The following FGFR1OP2 variants were observed in gnomAD, a reference collection of about 807,000 sequenced individuals.
The protein encoded by FGFR1OP2 is FGFR1 oncogene partner 2, also known as fibroblast growth factor receptor 1 oncogene partner 2.
FGFR1OP2 carries 17 observed loss-of-function variants against 35.2 expected under a neutral mutation model. That is an observed-to-expected ratio of 0.48 (90% CI 0.33 to 0.73). FGFR1OP2 has a LOEUF of 0.73. Ranked by LOEUF, FGFR1OP2 falls within the 30% of genes least tolerant of loss-of-function variation. The pLI is 0.02. For synonymous variants in FGFR1OP2, 105 were observed against 104.6 expected (o/e 1.00, Z -0.03); for missense variants, 251 against 307.3 (o/e 0.82, Z 1.37).
At chr12:26,952,031 T>C (rs1938936902) in intron 1 of FGFR1OP2, among the ~76,000 whole-genome samples, 1 of 151,862 alleles carries the variant, frequency 6.6e-6, no homozygotes, top group South Asian at 2.1e-4. Context: ...TTATTTTTAC[T>C]ATAAAACCAA....
chr12:26,944,184 C>A (rs573296123), intron 1 of FGFR1OP2, among the ~76,000 whole-genome samples: 1 of 152,010 alleles, frequency 6.6e-6, no homozygotes, highest in Admixed American at 6.5e-5. Flanking sequence ...TTTTTGGATT[C>A]TTTGGGGTTT....
intron 1 of FGFR1OP2, among the ~76,000 whole-genome samples, chr12:26,950,327 A>G (rs1020990708): frequency 7.1e-6 from 1 of 140,404 alleles, no homozygotes; most frequent in Admixed American, 8.0e-5. Context: ...GGTTCACGCT[A>G]TTCTCCTGCC....
chr12:26,947,311 G>C (rs755859842), intron 1 of FGFR1OP2, among the ~76,000 whole-genome samples: 2 of 152,018 alleles, frequency 1.3e-5, no homozygotes, highest in Non-Finnish European at 2.9e-5. Context: ...GTTTTGAATT[G>C]CATTTCAGTG....
Position 26,964,928 on chromosome 12 carries a change from T to A in FGFR1OP2, c.*195T>A. 2.0e-6 allele frequency: 1 copy of A among 499,224 alleles called. No homozygotes were observed. The allele number at this position is 499,224 out of a possible 1,614,324, so 30.9% of individuals were successfully genotyped here. A position where few individuals can be genotyped will look rare whatever the true frequency, so the allele number is the denominator to read the frequency against. ...CAAAACATAATTGGAAAATAGAAAC[T>A]GAGCCATTGCCAAATGGTAAAGAAA... On this transcript the variant is annotated 3_prime_UTR_variant, in exon 7 of 7. Transcript: ENST00000229395.
intron 3 of FGFR1OP2, 70 bp from the exon 4 acceptor site, chr12:26,957,531 C>A: frequency 7.3e-7 from 1 of 1,366,496 alleles, no homozygotes. Context: ...TCATAAGTTG[C>A]TTAGTGGAAG....
intron 1 of FGFR1OP2, among the ~76,000 whole-genome samples, chr12:26,950,728 T>C (rs1163907297): frequency 6.6e-6 from 1 of 152,216 alleles, no homozygotes; most frequent in Non-Finnish European, 1.5e-5. Context: ...GTGACTGATG[T>C]ACCTGTTGCA....
intron 4 of FGFR1OP2, among the ~76,000 whole-genome samples, chr12:26,959,664 A>T (rs938482940): frequency 6.6e-6 from 1 of 152,170 alleles, no homozygotes; most frequent in Non-Finnish European, 1.5e-5. Flanking sequence ...CTTTTTTATT[A>T]TGTAGATTGA....
At chr12:26,950,226 T>TTTTTTG in intron 1 of FGFR1OP2, among the ~76,000 whole-genome samples, 1 of 114,302 alleles carries the variant, frequency 8.7e-6, no homozygotes, top group Non-Finnish European at 1.8e-5. Flanking sequence ...TTTTTTTTTT[T>TTTTTTG]TTTTTTTTTT....
intron 2 of FGFR1OP2, among the ~76,000 whole-genome samples, chr12:26,955,447 A>T (rs899581348): frequency 2.6e-5 from 4 of 152,200 alleles, no homozygotes; most frequent in African/African-American, 9.6e-5. Context: ...CATTTTCATC[A>T]CCACAAAACC....
intron 4 of FGFR1OP2, chr12:26,958,084 G>A (rs1592252934): frequency 5.9e-6 from 1 of 168,950 alleles, no homozygotes; most frequent in South Asian, 1.4e-4. Flanking sequence ...TAAAGGGCTG[G>A]GCATGGTGGC....
chr12:26,951,519 C>T (rs1443526579), intron 1 of FGFR1OP2, among the ~76,000 whole-genome samples: 1 of 152,052 alleles, frequency 6.6e-6, no homozygotes, highest in Non-Finnish European at 1.5e-5. Context: ...GGTGTTTCAC[C>T]ATGTTGGGCA....
chr12:26,955,606 CAT>C (rs756878070), intron 2 of FGFR1OP2, among the ~76,000 whole-genome samples: 1 of 152,158 alleles, frequency 6.6e-6, no homozygotes, highest in African/African-American at 2.4e-5. Context: ...GGCTTCTTAA[CAT>C]AATGTTTTTA....
intron 1 of FGFR1OP2, among the ~76,000 whole-genome samples, chr12:26,938,933 A>G (rs1938643576): frequency 6.6e-6 from 1 of 152,072 alleles, no homozygotes; most frequent in Non-Finnish European, 1.5e-5. Context: ...CGGAAAGTTC[A>G]ATGAAAAGCC....
At chr12:26,943,501 A>C (rs1938769980) in intron 1 of FGFR1OP2, among the ~76,000 whole-genome samples, 1 of 152,072 alleles carries the variant, frequency 6.6e-6, no homozygotes, top group African/African-American at 2.4e-5. Context: ...TTGACTGGAA[A>C]TTGCACTGTT....
At chr12:26,955,896 ATT>A (rs1939010394) in intron 2 of FGFR1OP2, among the ~76,000 whole-genome samples, 1 of 152,148 alleles carries the variant, frequency 6.6e-6, no homozygotes, top group Admixed American at 6.5e-5. Flanking sequence ...GATCTGCCAC[ATT>A]GTTTCCCAAA....
At chr12:26,958,022 G>T in intron 4 of FGFR1OP2, 1 of 249,010 alleles carries the variant, frequency 4.0e-6, no homozygotes, top group Non-Finnish European at 7.8e-6. Flanking sequence ...AGGTAAGTCT[G>T]GTCTCTTCAA....
chr12:26,942,472 G>A (rs376197963), intron 1 of FGFR1OP2, among the ~76,000 whole-genome samples: 49 of 152,280 alleles, frequency 3.2e-4, no homozygotes, highest in African/African-American at 9.1e-4. Flanking sequence ...AAATTATTAC[G>A]TAACAGTTTG....
At chr12:26,945,272 T>C (rs1223166452) in intron 1 of FGFR1OP2, among the ~76,000 whole-genome samples, 1 of 152,164 alleles carries the variant, frequency 6.6e-6, no homozygotes, top group Non-Finnish European at 1.5e-5. Flanking sequence ...TTTGCTCTTC[T>C]TCTCCAGGTT....
chr12:26,954,224 T>C lies in FGFR1OP2; in HGVS notation c.66T>C (p.His22=), dbSNP rs1938983755. ...AKALVERLRD[H]DDAAESLIEQ... is the part of the protein sequence containing the mutation. ...CTCTTGTTGAAAGATTAAGAGATCA[T>C]GACGATGCAGCAGAATCTCTGATTG... Residue 22 remains histidine (H), a synonymous_variant, in exon 2 of 7, where the codon CAT becomes CAC. Transcript: ENST00000229395. 3 of 1,612,730 alleles carry C rather than the reference T, an allele frequency of 1.9e-6. No homozygotes were observed. In the South Asian group the frequency reaches 3.3e-5, roughly 18 times the overall value.
Sources: gnomAD v4.1 joint callset for allele counts (sites outside exome capture counted in the v4.1 genomes callset) on GRCh38, gnomAD v4.1.1 for gene constraint, MANE v1.5 for transcripts, NCBI Gene and HGNC (gene_info 2026-07-23, HGNC 2026-07-21) for gene names.